The following XPR1 variants were observed in gnomAD, a reference collection of about 807,000 sequenced individuals.
XPR1 encodes solute carrier family 53 member 1.
XPR1 carries 28 observed loss-of-function variants against 87.5 expected under a neutral mutation model. That is an observed-to-expected ratio of 0.32 (90% CI 0.24 to 0.44). The LOEUF (loss-of-function observed/expected upper bound fraction) is 0.44. Ranked by LOEUF, XPR1 falls within the 20% of genes least tolerant of loss-of-function variation. The probability of loss-of-function intolerance (pLI) is 1.00; values close to 1 mark genes in which losing one functional copy is unlikely to be tolerated. For missense variants in XPR1, 559 were observed against 862.3 expected, an observed-to-expected ratio of 0.65 and a Z score of 4.41; for synonymous variants, 300 against 306.1, an observed-to-expected ratio of 0.98 and a Z score of 0.21.
chr1:180,805,969 C>T (rs1649972417), intron 4 of XPR1, 93 bp from the exon 5 acceptor site: 4 of 1,359,950 alleles, frequency 2.9e-6, no homozygotes, highest in Non-Finnish European at 2.0e-6. Context: ...TAATCTTTGT[C>T]CAGCCAGCTC....
At chr1:180,664,601 T>C (rs1291184171) in intron 1 of XPR1, among the ~76,000 whole-genome samples, 2 of 152,180 alleles carry the variant, frequency 1.3e-5, no homozygotes, top group Non-Finnish European at 2.9e-5. Context: ...CCTTGCTGCC[T>C]GGCACTGGGA....
intron 7 of XPR1, among the ~76,000 whole-genome samples, chr1:180,817,643 A>G (rs1650459272): frequency 6.6e-6 from 1 of 151,770 alleles, no homozygotes; most frequent in Non-Finnish European, 1.5e-5. Flanking sequence ...AATGAGAATA[A>G]CAAACTGTAG....
At chr1:180,830,801 C>G (rs1651030044) in intron 9 of XPR1, among the ~76,000 whole-genome samples, 1 of 152,144 alleles carries the variant, frequency 6.6e-6, no homozygotes, top group East Asian at 1.9e-4. Context: ...CTGGTAATTG[C>G]ATTGGTACCT....
chr1:180,788,821 A>G (rs570248693), intron 3 of XPR1, among the ~76,000 whole-genome samples: 2 of 152,340 alleles, frequency 1.3e-5, no homozygotes, highest in South Asian at 4.1e-4. Context: ...TAACTAGCAC[A>G]ATCATAAACC....
At chr1:180,668,423 C>T (rs1267429569) in intron 1 of XPR1, among the ~76,000 whole-genome samples, 1 of 152,024 alleles carries the variant, frequency 6.6e-6, no homozygotes, top group Non-Finnish European at 1.5e-5. Flanking sequence ...GCCACTGCAC[C>T]CAGCCTGTTT....
chr1:180,782,315 C>A (rs1648972759), intron 2 of XPR1, among the ~76,000 whole-genome samples: 1 of 152,032 alleles, frequency 6.6e-6, no homozygotes, highest in African/African-American at 2.4e-5. Context: ...TATTAGTCTA[C>A]TCAGACTGCC....
chr1:180,803,199 GT>G (rs946714755), intron 3 of XPR1, among the ~76,000 whole-genome samples, 188 bp from the exon 4 acceptor site: 1 of 152,098 alleles, frequency 6.6e-6, no homozygotes, highest in African/African-American at 2.4e-5. Context: ...GGTACATGAG[GT>G]TTTATGGGGG....
At chr1:180,876,409 G>A (rs768656370) in intron 13 of XPR1, among the ~76,000 whole-genome samples, 1 of 152,216 alleles carries the variant, frequency 6.6e-6, no homozygotes, top group East Asian at 1.9e-4. Flanking sequence ...GCTGAGGTGA[G>A]TGGATCATTT....
chr1:180,712,754 T>C (rs12063354), intron 2 of XPR1, among the ~76,000 whole-genome samples: 6,533 of 151,912 alleles, frequency 0.043, 505 homozygotes, highest in African/African-American at 0.15. Context: ...TGCATTGAGG[T>C]GAGGTTGTGC....
At chr1:180,826,467 G>A (rs938362573) in intron 9 of XPR1, among the ~76,000 whole-genome samples, 1 of 152,070 alleles carries the variant, frequency 6.6e-6, no homozygotes, top group African/African-American at 2.4e-5. Flanking sequence ...AGGATTGCTT[G>A]AGCCAGGAAC....
At chr1:180,728,803 T>C (rs1295786394) in intron 2 of XPR1, among the ~76,000 whole-genome samples, 2 of 152,202 alleles carry the variant, frequency 1.3e-5, no homozygotes, top group African/African-American at 2.4e-5. Flanking sequence ...CTTAGAAACA[T>C]GGAATGCCAA....
At chr1:180,739,056 G>A (rs73034880) in intron 2 of XPR1, among the ~76,000 whole-genome samples, 2,553 of 152,206 alleles carry the variant, frequency 0.017, 79 homozygotes, top group African/African-American at 0.056. Context: ...TTTGTAAAAG[G>A]TGTGGGGTTT....
Position 180,825,213 on chromosome 1 carries a change from T to A in XPR1, c.1003T>A (p.Phe335Ile). 1 of 1,613,994 alleles carries A rather than the reference T, an allele frequency of 6.2e-7. No homozygotes were observed. The highest frequency in any genetic ancestry group is 8.5e-7 in the Non-Finnish European group (1 of 1,179,920). ...GTGGTGCCTGAGCCTTCTGGCATGC[T>A]TCTTTGCTCCAATTAGTGTCATCCC... is the stretch of plus-strand genomic sequence containing the variant. ...ILWCLSLLAC[F>I]FAPISVIPTY... The change falls in exon 9 of 15, where the codon TTC (phenylalanine) becomes ATC (isoleucine). Residue 335 changes from phenylalanine (F) to isoleucine (I), a missense_variant. Coordinates refer to ENST00000367590, the MANE Select transcript of XPR1 (RefSeq NM_004736.4).
chr1:180,723,004 A>T (rs1557974448), intron 2 of XPR1, among the ~76,000 whole-genome samples: 1 of 152,184 alleles, frequency 6.6e-6, no homozygotes, highest in East Asian at 1.9e-4. Context: ...TATATTAGGA[A>T]TTTTTCAGAG....
intron 2 of XPR1, among the ~76,000 whole-genome samples, chr1:180,694,371 T>C (rs765252240): frequency 6.6e-6 from 1 of 152,184 alleles, no homozygotes; most frequent in Non-Finnish European, 1.5e-5. Context: ...CCTGCTGTAT[T>C]GTGAAAGGAG....
At chr1:180,706,811 G>T (rs574206758) in intron 2 of XPR1, among the ~76,000 whole-genome samples, 2 of 151,836 alleles carry the variant, frequency 1.3e-5, no homozygotes, top group Non-Finnish European at 2.9e-5. Context: ...GTAGAGACAG[G>T]ATTTTACCAT....
intron 2 of XPR1, among the ~76,000 whole-genome samples, chr1:180,729,635 C>T (rs915140397): frequency 3.3e-5 from 5 of 152,124 alleles, no homozygotes; most frequent in African/African-American, 1.2e-4. Context: ...TTTTCATTTG[C>T]ATTTCTCTAA....
At chr1:180,828,236 T>A (rs1279720410) in intron 9 of XPR1, among the ~76,000 whole-genome samples, 1 of 152,210 alleles carries the variant, frequency 6.6e-6, no homozygotes, top group Non-Finnish European at 1.5e-5. Flanking sequence ...TGGGTGCCAT[T>A]TATATCCATA....
In XPR1 at chr1:180,699,209, CTTT is replaced by C. The variant is rs1168669274; in HGVS notation, c.121+16813_121+16815del. On this transcript the variant is annotated intron_variant, in intron 2 of 14. Transcript: ENST00000367590. ...CTTTCTTTAGTTTCTTTTATTCTTTCTTTTTTTTTTTTTTTTTATTATACTCTA... is the reference window on the plus strand; with the variant it reads ...CTTTCTTTAGTTTCTTTTATTCTTTCTTTTTTTTTTTTTTATTATACTCTA... 1.1e-3 allele frequency among the ~76,000 whole-genome samples: 152 copies of C among 132,584 alleles called. 1 individual carries two copies. The highest frequency in any genetic ancestry group is 4.0e-3 in the African/African-American group (145 of 36,078). The allele number at this position is 132,584 out of a possible 152,430, so 87.0% of individuals were successfully genotyped here.
Sources: allele counts gnomAD v4.1 joint callset (sites outside exome capture counted in the v4.1 genomes callset), GRCh38; gene constraint gnomAD v4.1.1; transcripts MANE v1.5; gene names NCBI Gene and HGNC (gene_info 2026-07-23, HGNC 2026-07-21).